Variants in GET1 observed in about 807,000 individuals in gnomAD.
GET1 encodes the protein guided entry of tail-anchored proteins factor 1, also known as congenital heart disease 5 protein.
GET1 carries 20 observed loss-of-function variants against 22.6 expected under a neutral mutation model. The ratio of observed to expected loss-of-function variants is 0.89; its 90% CI spans 0.62 to 1.29. The LOEUF is 1.29. GET1 is among the 50% of genes most tolerant of loss of function. GET1 has a pLI of 0.00. For synonymous variants in GET1, 92 were observed against 83.8 expected (o/e 1.10, Z -0.53); for missense variants, 209 against 219.9 (o/e 0.95, Z 0.31).
At chr21:39,423,194 CTTCA>C in intron 1 of GET1, 1 of 1,613,120 alleles carries the variant, frequency 6.2e-7, no homozygotes, top group Non-Finnish European at 8.5e-7. Flanking sequence ...AAATTTTTTA[CTTCA>C]TTCTGATGTT....
chr21:39,380,905 G>GC, intron 1 of GET1: 1 of 351,610 alleles, frequency 2.8e-6, no homozygotes, highest in Non-Finnish European at 3.9e-6. Context: ...TCGCGTCCAG[G>GC]AGCCCACATT....
intron 2 of GET1, 193 bp from the exon 3 acceptor site, chr21:39,391,576 C>G (rs2038300733): frequency 1.9e-6 from 1 of 529,174 alleles, no homozygotes; most frequent in African/African-American, 2.0e-5. Context: ...GAGTCGGATA[C>G]TATTTTAAAT....
downstream of GET1, among the ~76,000 whole-genome samples, chr21:39,409,572 A>G (rs577911810): frequency 5.3e-5 from 8 of 152,086 alleles, no homozygotes; most frequent in South Asian, 1.0e-3. This position sits in a 1 kb window ranked among gnomAD's most constrained non-coding sequence, Gnocchi z 4.2. Context: ...CTTTCATTAT[A>G]ATTCTGGAAA....
At chr21:39,409,178 C>T (rs1427890104), downstream of GET1, among the ~76,000 whole-genome samples, 1 of 152,130 alleles carries the variant, frequency 6.6e-6, no homozygotes, top group Non-Finnish European at 1.5e-5. The surrounding 1 kb of genome is among the most constrained non-coding windows in gnomAD (Gnocchi z 4.2). Context: ...CCCGACTCTC[C>T]TCGTGCGAGC....
chr21:39,387,698 C>A (rs1389046279), intron 1 of GET1: 8 of 786,528 alleles, frequency 1.0e-5, no homozygotes, highest in African/African-American at 3.9e-5. Flanking sequence ...CACTCCCCCC[C>A]CCCACTTTTG....
rs1601737903 is a variant in GET1, at chr21:39,413,784, G to T, written c.*23+2847G>T. 3 of 152,184 alleles carry T rather than the reference G, an allele frequency of 2.0e-5. No individual in the cohort carries two copies. In the South Asian group the frequency reaches 6.2e-4, roughly 32 times the overall value. 9.4% of individuals were successfully genotyped at this position (152,184 alleles called of 1,614,324 possible). A position where few individuals can be genotyped will look rare whatever the true frequency, so the allele number is the denominator to read the frequency against. On this transcript the variant is annotated intron_variant, in intron 1 of 1. Coordinates refer to the GET1 transcript ENST00000478273. Reference sequence around the variant, plus strand: ...TTAGAATGAGTTTTCATCCACACTGGTTAGGAAACATTTTCATGTTTACAG... The same window carrying T: ...TTAGAATGAGTTTTCATCCACACTGTTTAGGAAACATTTTCATGTTTACAG...
At chr21:39,421,002 G>A (rs147951024) in intron 1 of GET1, among the ~76,000 whole-genome samples, 2 of 151,858 alleles carry the variant, frequency 1.3e-5, no homozygotes, top group African/African-American at 2.4e-5. Flanking sequence ...AAGTATAACC[G>A]AAAGAAAGAC....
intron 1 of GET1, among the ~76,000 whole-genome samples, chr21:39,412,641 G>C (rs1435857226): frequency 2.6e-5 from 4 of 152,114 alleles, no homozygotes; most frequent in South Asian, 4.1e-4. Flanking sequence ...CGGGGAGAGA[G>C]AGCTCTTGTC....
chr21:39,392,464 A>T (rs2038367236), intron 3 of GET1, among the ~76,000 whole-genome samples: 1 of 152,102 alleles, frequency 6.6e-6, no homozygotes, highest in Non-Finnish European at 1.5e-5. Context: ...TTAGTTTGGC[A>T]GGGTATATTG....
chr21:39,396,385 G>A (rs370118720), intron 4 of GET1, among the ~76,000 whole-genome samples: 6 of 152,100 alleles, frequency 3.9e-5, no homozygotes, highest in Non-Finnish European at 7.4e-5. Flanking sequence ...AAAATTAGCC[G>A]GGTGCGGTGG....
At chr21:39,412,285 T>C (rs902950968) in intron 1 of GET1, among the ~76,000 whole-genome samples, 6 of 152,162 alleles carry the variant, frequency 3.9e-5, no homozygotes, top group African/African-American at 1.4e-4. Context: ...GAAAGTTCTA[T>C]GAGACAGGGC....
chr21:39,428,321 C>T (rs112771223), exon 2 of GET1: 1 of 1,613,696 alleles, frequency 6.2e-7, no homozygotes, highest in Non-Finnish European at 8.5e-7. Context: ...TAAACTTCCA[C>T]AGGAGCACTG....
downstream of GET1, among the ~76,000 whole-genome samples, chr21:39,409,385 C>G (rs1157991582): frequency 6.6e-6 from 1 of 151,978 alleles, no homozygotes; most frequent in Non-Finnish European, 1.5e-5. The surrounding 1 kb of genome is among the most constrained non-coding windows in gnomAD (Gnocchi z 4.2). Context: ...ACGAATGTAG[C>G]TACATATAAA....
At chr21:39,414,713 CCT>C (rs147915021) in intron 1 of GET1, among the ~76,000 whole-genome samples, 1,792 of 119,810 alleles carry the variant, frequency 0.015, 19 homozygotes, top group African/African-American at 0.026. Context: ...TGGTTCTCTC[CCT>C]CTCTCTCTCT....
chr21:39,392,001 G>A, intron 3 of GET1, 165 bp downstream of exon 3: 1 of 620,290 alleles, frequency 1.6e-6, no homozygotes, highest in South Asian at 1.9e-5. Flanking sequence ...CTCTAAGTCA[G>A]ACTAAAAGGA....
chr21:39,400,815 T>G (rs948778699), downstream of GET1, among the ~76,000 whole-genome samples: 4 of 152,182 alleles, frequency 2.6e-5, no homozygotes, highest in Non-Finnish European at 5.9e-5. Context: ...ATAAATAGCA[T>G]GAATATTGTG....
chr21:39,387,109 G>A (rs2037956861), intron 1 of GET1, among the ~76,000 whole-genome samples: 1 of 152,148 alleles, frequency 6.6e-6, no homozygotes, highest in African/African-American at 2.4e-5. Flanking sequence ...ATCTTCCCGC[G>A]TCAGTCTCCG....
At chr21:39,412,766 T>C (rs1190296213) in intron 1 of GET1, among the ~76,000 whole-genome samples, 1 of 152,062 alleles carries the variant, frequency 6.6e-6, no homozygotes, top group Admixed American at 6.6e-5. Flanking sequence ...TCCAGGAAAA[T>C]TGCAAGCCCC....
At chr21:39,419,990 ATC>A (rs2042011797) in intron 1 of GET1, among the ~76,000 whole-genome samples, 1 of 152,222 alleles carries the variant, frequency 6.6e-6, no homozygotes, top group African/African-American at 2.4e-5. Flanking sequence ...ATTAAAATTT[ATC>A]TTAAATATTA....
Sources: gnomAD v4.1 joint callset for allele counts (sites outside exome capture counted in the v4.1 genomes callset) on GRCh38, gnomAD v4.1.1 for gene constraint, Gnocchi (gnomAD v3.1) non-coding constraint, MANE v1.5 for transcripts, NCBI Gene and HGNC (gene_info 2026-07-23, HGNC 2026-07-21) for gene names.